Variants in SPAG16 observed in about 807,000 individuals in gnomAD.
SPAG16 encodes the protein sperm associated antigen 16, also known as sperm-associated antigen 16 protein.
SPAG16 carries 86 observed loss-of-function variants against 80.4 expected under a neutral mutation model. The ratio of observed to expected loss-of-function variants is 1.07; its 90% CI spans 0.90 to 1.28. The LOEUF is 1.28. Among genes scored for constraint, SPAG16 ranks in the 50% most tolerant of loss-of-function variants. SPAG16 has a pLI of 0.00. For missense variants in SPAG16, 870 were observed against 765.3 expected (o/e 1.14, Z -1.61); for synonymous variants, 294 against 265.9 (o/e 1.11, Z -1.03).
intron 10 of SPAG16, among the ~76,000 whole-genome samples, chr2:213,699,650 A>G (rs1308085439): frequency 1.3e-5 from 2 of 152,140 alleles, no homozygotes; most frequent in Non-Finnish European, 2.9e-5. Flanking sequence ...TACCCTATGT[A>G]ACTATCCTAA....
intron 15 of SPAG16, among the ~76,000 whole-genome samples, chr2:214,377,695 A>G (rs901039309): frequency 6.6e-6 from 1 of 152,132 alleles, no homozygotes; most frequent in Non-Finnish European, 1.5e-5. Flanking sequence ...TTTCAACTGT[A>G]TGGGGTCAGC....
At chr2:214,324,302 T>C (rs1344498062) in intron 15 of SPAG16, among the ~76,000 whole-genome samples, 1 of 152,216 alleles carries the variant, frequency 6.6e-6, no homozygotes, top group African/African-American at 2.4e-5. Flanking sequence ...GTTTATACTT[T>C]TATGTAGTTT....
intron 5 of SPAG16, among the ~76,000 whole-genome samples, chr2:213,320,931 T>C (rs1429325343): frequency 2.0e-5 from 3 of 152,044 alleles, no homozygotes; most frequent in Admixed American, 2.0e-4. Context: ...CTGCCCCAAA[T>C]GGTAGTGTTT....
intron 15 of SPAG16, among the ~76,000 whole-genome samples, 158 bp downstream of exon 15, chr2:214,149,424 C>T (rs973723161): frequency 9.2e-5 from 14 of 151,764 alleles, no homozygotes; most frequent in Non-Finnish European, 1.3e-4. Context: ...TTTATCATTA[C>T]GTATAGCATG....
intron 10 of SPAG16, among the ~76,000 whole-genome samples, chr2:213,602,681 C>A (rs1479388515): frequency 6.6e-6 from 1 of 152,106 alleles, no homozygotes; most frequent in Admixed American, 6.6e-5. Flanking sequence ...TGTTTCCCAC[C>A]CAAAAGCTGG....
At chr2:213,394,591 C>T (rs908407059) in intron 9 of SPAG16, among the ~76,000 whole-genome samples, 1 of 152,166 alleles carries the variant, frequency 6.6e-6, no homozygotes, top group African/African-American at 2.4e-5. Context: ...CACTGATTTC[C>T]CTTTAGCTCT....
At chr2:214,219,767 T>A (rs1357656400) in intron 15 of SPAG16, among the ~76,000 whole-genome samples, 1 of 152,146 alleles carries the variant, frequency 6.6e-6, no homozygotes, top group African/African-American at 2.4e-5. Flanking sequence ...GTGTCTTTAC[T>A]GTAACTTATT....
At chr2:213,868,210 T>A (rs2075782334) in intron 11 of SPAG16, among the ~76,000 whole-genome samples, 1 of 151,510 alleles carries the variant, frequency 6.6e-6, no homozygotes, top group South Asian at 2.1e-4. Context: ...ACTTTAAAAT[T>A]GTGCCAAACT....
chr2:214,176,808 A>ATGTGTGTG (rs141462328), intron 15 of SPAG16, among the ~76,000 whole-genome samples: 13 of 149,970 alleles, frequency 8.7e-5, no homozygotes, highest in Middle Eastern at 3.4e-3. Context: ...AATTTATTGA[A>ATGTGTGTG]TGTGTGTGTG....
chr2:213,389,462 A>C (rs1434173528), intron 9 of SPAG16, among the ~76,000 whole-genome samples: 1 of 152,194 alleles, frequency 6.6e-6, no homozygotes, highest in Non-Finnish European at 1.5e-5. Flanking sequence ...CAGAGTAAAA[A>C]GGCAACCAAT....
At chr2:213,433,289 T>C (rs1387557743) in intron 9 of SPAG16, among the ~76,000 whole-genome samples, 1 of 152,054 alleles carries the variant, frequency 6.6e-6, no homozygotes, top group African/African-American at 2.4e-5. Flanking sequence ...AAGGCATCCA[T>C]GTTGGAAAAA....
At chr2:213,402,409 T>G (rs2068362603) in intron 9 of SPAG16, among the ~76,000 whole-genome samples, 2 of 152,030 alleles carry the variant, frequency 1.3e-5, no homozygotes, top group African/African-American at 4.8e-5. Flanking sequence ...CCCAAAAATT[T>G]ATTTATAGTT....
intron 13 of SPAG16, among the ~76,000 whole-genome samples, chr2:214,022,138 T>A (rs1005304340): frequency 5.3e-5 from 8 of 152,096 alleles, no homozygotes; most frequent in Admixed American, 2.6e-4. Flanking sequence ...GAATGAGACA[T>A]TTTTTTCTCC....
At chr2:213,847,070 C>A (rs1475424793) in intron 10 of SPAG16, among the ~76,000 whole-genome samples, 2 of 152,120 alleles carry the variant, frequency 1.3e-5, no homozygotes, top group Non-Finnish European at 2.9e-5. Context: ...GCCAACATTC[C>A]TTCATCTTCA....
intron 12 of SPAG16, among the ~76,000 whole-genome samples, chr2:213,990,709 C>T (rs1478463864): frequency 6.6e-6 from 1 of 151,986 alleles, no homozygotes; most frequent in African/African-American, 2.4e-5. Flanking sequence ...AGGAGATGGT[C>T]TTGTTGTCTT....
At chr2:213,698,708 G>A (rs1559385795) in intron 10 of SPAG16, among the ~76,000 whole-genome samples, 1 of 152,128 alleles carries the variant, frequency 6.6e-6, no homozygotes, top group African/African-American at 2.4e-5. Context: ...TTATTGTCAT[G>A]CTAAGGTGTC....
Position 213,368,127 on chromosome 2 carries a change from G to A in SPAG16, c.832+3982G>A, listed in dbSNP as rs879576933. Reference sequence around the variant, plus strand: ...GTGTGGCATTATTTCTGAGGGCTCTGTTCTGTTCCATTGGTCTATATCTCT... The same window carrying A: ...GTGTGGCATTATTTCTGAGGGCTCTATTCTGTTCCATTGGTCTATATCTCT... On this transcript the variant is annotated intron_variant, in intron 8 of 15. Transcript: ENST00000331683. Among the ~76,000 whole-genome samples the A allele has an allele frequency of 3.7e-3, 568 of 152,038 alleles. 1 individual carries two copies. The highest frequency in any genetic ancestry group is 6.2e-3 in the Non-Finnish European group (423 of 67,940).
rs78219247 is a variant in SPAG16, at chr2:213,584,740, C to A, written c.1070+94650C>A. On this transcript the variant is annotated intron_variant, in intron 10 of 15. Transcript: ENST00000331683. ...TTTGGAAAAGGGAACTTAACCATTTCTAAAACTCATTCATCAATATTGTTC... is the reference window on the plus strand; with the variant it reads ...TTTGGAAAAGGGAACTTAACCATTTATAAAACTCATTCATCAATATTGTTC... Among the ~76,000 whole-genome samples, 293 of 152,242 alleles carry A rather than the reference C, an allele frequency of 1.9e-3. 1 individual carries two copies. The highest frequency in any genetic ancestry group is 7.0e-3 in the African/African-American group (291 of 41,540).
At chr2:214,323,644 A>T (rs1696268773) in intron 15 of SPAG16, among the ~76,000 whole-genome samples, 2 of 152,212 alleles carry the variant, frequency 1.3e-5, no homozygotes, top group Non-Finnish European at 2.9e-5. Context: ...ATAGATTGCG[A>T]TATTTCTTTC....
Sources: gnomAD v4.1 joint callset for allele counts (sites outside exome capture counted in the v4.1 genomes callset) on GRCh38, gnomAD v4.1.1 for gene constraint, MANE v1.5 for transcripts, NCBI Gene and HGNC (gene_info 2026-07-23, HGNC 2026-07-21) for gene names.